PPP2R2D: variants seen among roughly 807,000 people sequenced by gnomAD.
PPP2R2D encodes serine/threonine-protein phosphatase 2A 55 kDa regulatory subunit B delta isoform.
PPP2R2D carries 9 observed loss-of-function variants against 31.1 expected under a neutral mutation model. That is an observed-to-expected ratio of 0.29 (90% CI 0.17 to 0.51). The LOEUF (loss-of-function observed/expected upper bound fraction) is 0.51. Among genes scored for constraint, PPP2R2D ranks in the 20% least tolerant of loss-of-function variants. The probability of loss-of-function intolerance (pLI) is 0.98; values close to 1 mark genes in which losing one functional copy is unlikely to be tolerated. For missense variants in PPP2R2D, 391 were observed against 465.6 expected, an observed-to-expected ratio of 0.84 and a Z score of 1.48; for synonymous variants, 179 against 172.6, an observed-to-expected ratio of 1.04 and a Z score of -0.29.
chr10:131,963,982 C>T (rs2036951403), downstream of PPP2R2D, among the ~76,000 whole-genome samples: 1 of 152,214 alleles, frequency 6.6e-6, no homozygotes, highest in South Asian at 2.1e-4. Flanking sequence ...ATTTCGTTGT[C>T]TCCCTGCCTT....
At chr10:131,953,707 TG>T (rs782560559) in intron 8 of PPP2R2D, among the ~76,000 whole-genome samples, 10 of 31,604 alleles carry the variant, frequency 3.2e-4, no homozygotes, top group Admixed American at 2.1e-3. Flanking sequence ...TGCGGGTGTG[TG>T]GGGGGGTCAC....
intron 2 of PPP2R2D, among the ~76,000 whole-genome samples, chr10:131,920,360 G>A (rs1383403118): frequency 1.4e-5 from 2 of 139,082 alleles, no homozygotes; most frequent in Non-Finnish European, 3.1e-5. Flanking sequence ...CAGGCAGGTG[G>A]AATGACACAG....
intron 2 of PPP2R2D, among the ~76,000 whole-genome samples, chr10:131,915,747 C>G (rs995923024): frequency 1.3e-5 from 2 of 152,228 alleles, no homozygotes; most frequent in African/African-American, 4.8e-5. Context: ...TTCAGTGTCA[C>G]AGGTCACATT....
Position 131,947,866 on chromosome 10 carries a change from G to T in PPP2R2D, c.1082+75G>T. 1 of 1,561,422 alleles carries T rather than the reference G, an allele frequency of 6.4e-7. No individual in the cohort carries two copies. The highest frequency in any genetic ancestry group is 8.7e-7 in the Non-Finnish European group (1 of 1,146,184). On this transcript the variant is annotated intron_variant, in intron 8 of 8. Coordinates refer to ENST00000455566, the MANE Select transcript of PPP2R2D (RefSeq NM_018461.5). This position sits in a 1 kb window ranked among gnomAD's most constrained non-coding sequence, Gnocchi z 4.3. ...AGAGTGCAAGGTCAGTGAGGGAGGC[G>T]AGCTGTCCTCCAGCGTCAGAGGAGG...
At chr10:131,914,371 C>T (rs2035736630) in intron 2 of PPP2R2D, among the ~76,000 whole-genome samples, 1 of 152,162 alleles carries the variant, frequency 6.6e-6, no homozygotes, top group African/African-American at 2.4e-5. Context: ...TAAGCAAAGA[C>T]ATTCTAATTA....
At position 131,947,932 on chromosome 10, in the gene PPP2R2D, G is replaced by A; in HGVS notation, c.1082+141G>A. 9.8e-7 allele frequency: 1 copy of A among 1,017,376 alleles called. No homozygotes were observed. The highest frequency in any genetic ancestry group is 1.4e-6 in the Non-Finnish European group (1 of 697,648). 63.0% of individuals were successfully genotyped at this position (1,017,376 alleles called of 1,614,324 possible). ...TGTTTTCCAGACCTTTTGATTGATGGATGATAGTATCAAGGTAGAGAAAAT... is the reference window on the plus strand; with the variant it reads ...TGTTTTCCAGACCTTTTGATTGATGAATGATAGTATCAAGGTAGAGAAAAT... On this transcript the variant is annotated intron_variant, in intron 8 of 8. Transcript: ENST00000455566. The surrounding 1 kb of genome is among the most constrained non-coding windows in gnomAD (Gnocchi z 4.3).
chr10:131,951,022 C>T (rs1319868345), intron 8 of PPP2R2D, among the ~76,000 whole-genome samples: 1 of 152,196 alleles, frequency 6.6e-6, no homozygotes, highest in Non-Finnish European at 1.5e-5. Context: ...AATTAGTTGT[C>T]AACAAGAAGG....
In PPP2R2D at chr10:131,956,397, C is replaced by A. The variant is rs553062970; in HGVS notation, c.*434C>A. On this transcript the variant is annotated 3_prime_UTR_variant, in exon 9 of 9. Coordinates refer to ENST00000455566, the MANE Select transcript of PPP2R2D (RefSeq NM_018461.5). ...GGTGTGGCCACCGTCCGTGTCCTCT[C>A]GGCCTTCCTCCGAGTCCAGGTGGAC... 1 of 986,166 alleles carries A rather than the reference C, an allele frequency of 1.0e-6. No homozygotes were observed. The highest frequency in any genetic ancestry group is 1.1e-4 in the East Asian group (1 of 8,836). The allele number at this position is 986,166 out of a possible 1,614,324, so 61.1% of individuals were successfully genotyped here. A position where few individuals can be genotyped will look rare whatever the true frequency, so the allele number is the denominator to read the frequency against.
chr10:131,917,199 G>T (rs1420284937), intron 2 of PPP2R2D, among the ~76,000 whole-genome samples: 1 of 139,520 alleles, frequency 7.2e-6, no homozygotes, highest in Non-Finnish European at 1.6e-5. Context: ...GACCTCAGGT[G>T]GGTGGAATGA....
chr10:131,953,090 G>C (rs1554899202), intron 8 of PPP2R2D, among the ~76,000 whole-genome samples: 1 of 129,636 alleles, frequency 7.7e-6, no homozygotes, highest in Non-Finnish European at 1.6e-5. Flanking sequence ...GAGGTTCACT[G>C]TCTTAGCAGT....
At chr10:131,970,723 T>G in the PPP2R2D span, 3 of 1,614,072 alleles carry the variant, frequency 1.9e-6, no homozygotes, top group East Asian at 6.7e-5. The surrounding 1 kb of genome is among the most constrained non-coding windows in gnomAD (Gnocchi z 4.1). Flanking sequence ...CCCCCTTTCT[T>G]CATGACGCTC....
the PPP2R2D span, among the ~76,000 whole-genome samples, chr10:131,965,389 C>G: frequency 1.3e-5 from 2 of 152,208 alleles, no homozygotes; most frequent in Admixed American, 1.3e-4. Context: ...ATCCTGTTGG[C>G]CAGTCCAGAG....
Position 131,901,020 on chromosome 10 carries a change from C to CCGGCGGCGGCGGCGGCGGCGGTGG in PPP2R2D, c.-108_-107insTGGCGGCGGCGGCGGCGGCGGCGG, listed in dbSNP as rs2035478145. On this transcript the variant is annotated 5_prime_UTR_variant, in exon 1 of 9. Transcript: ENST00000455566. ...TTTGAAAAGGGAAAAAAATCCCTCC[C>CCGGCGGCGGCGGCGGCGGCGGTGG]CGGCGGCGGCGGCGGCGGCGGCGGC... 6.5e-6 allele frequency: 1 copy of CCGGCGGCGGCGGCGGCGGCGGTGG among 153,606 alleles called. No individual in the cohort carries two copies. Among genetic ancestry groups the CCGGCGGCGGCGGCGGCGGCGGTGG allele is most frequent in the Non-Finnish European group, 1.4e-5 (1 of 71,796 alleles). 9.5% of individuals were successfully genotyped at this position (153,606 alleles called of 1,614,324 possible). A position where few individuals can be genotyped will look rare whatever the true frequency, so the allele number is the denominator to read the frequency against.
chr10:131,961,160 G>A (rs1554901403), downstream of PPP2R2D, among the ~76,000 whole-genome samples: 1 of 152,178 alleles, frequency 6.6e-6, no homozygotes, highest in East Asian at 1.9e-4. Context: ...CGCGGCCGAC[G>A]CTTCCCCAAC....
intron 8 of PPP2R2D, among the ~76,000 whole-genome samples, chr10:131,948,457 A>G (rs948967654): frequency 6.6e-6 from 1 of 152,340 alleles, no homozygotes; most frequent in Non-Finnish European, 1.5e-5. Context: ...ATTGGCAATA[A>G]GTGATTGACT....
At chr10:131,932,464 C>T (rs1554895801) in intron 2 of PPP2R2D, among the ~76,000 whole-genome samples, 1 of 151,876 alleles carries the variant, frequency 6.6e-6, no homozygotes, top group Non-Finnish European at 1.5e-5. Flanking sequence ...GCCAGGAATT[C>T]GAGACAATTC....
the PPP2R2D span, chr10:131,970,994 G>A: frequency 4.7e-5 from 76 of 1,601,948 alleles, no homozygotes; most frequent in South Asian, 6.1e-4. The surrounding 1 kb of genome is among the most constrained non-coding windows in gnomAD (Gnocchi z 4.1). Context: ...AATGTTAAAG[G>A]CAGATCAGTG....
intron 2 of PPP2R2D, among the ~76,000 whole-genome samples, chr10:131,916,796 GAC>G (rs1195613123): frequency 1.9e-4 from 28 of 150,018 alleles, no homozygotes; most frequent in Non-Finnish European, 2.4e-4. Context: ...CAGGTGGAAT[GAC>G]ACAGTGTTTG....
chr10:131,945,549 T>C lies in PPP2R2D; in HGVS notation c.820+90T>C. 1 of 1,446,832 alleles carries C rather than the reference T, an allele frequency of 6.9e-7. No homozygotes were observed. Among genetic ancestry groups the C allele is most frequent in the Non-Finnish European group, 9.3e-7 (1 of 1,078,902 alleles). The allele number at this position is 1,446,832 out of a possible 1,614,324, so 89.6% of individuals were successfully genotyped here. On this transcript the variant is annotated intron_variant, in intron 7 of 8. Transcript: ENST00000455566. The surrounding 1 kb of genome is among the most constrained non-coding windows in gnomAD (Gnocchi z 4.8). Reference sequence around the variant, plus strand: ...GTCTCGGCTCACGGCAAGCTCCGCCTCCCGGGTTCCAGCAAGTCTTCTGCC... The same window carrying C: ...GTCTCGGCTCACGGCAAGCTCCGCCCCCCGGGTTCCAGCAAGTCTTCTGCC...
Sources: allele counts gnomAD v4.1 joint callset (sites outside exome capture counted in the v4.1 genomes callset), GRCh38; gene constraint gnomAD v4.1.1; non-coding constraint Gnocchi (gnomAD v3.1); transcripts MANE v1.5; gene names NCBI Gene and HGNC (gene_info 2026-07-23, HGNC 2026-07-21).